Variants in TRIO observed in about 807,000 individuals in gnomAD.
TRIO encodes trio Rho guanine nucleotide exchange factor.
A neutral mutation model predicts 351.9 loss-of-function variants in TRIO; 58 were observed. The ratio of observed to expected loss-of-function variants is 0.16; its 90% confidence interval spans 0.13 to 0.21. The LOEUF is 0.21. Ranked by LOEUF, TRIO falls within the 10% of genes least tolerant of loss-of-function variation. TRIO has a pLI of 1.00. For synonymous variants in TRIO, 1,758 were observed against 1,595.7 expected (o/e 1.10, Z -2.42); for missense variants, 3,201 against 4,027.8 (o/e 0.79, Z 5.56).
chr5:14,481,449 G>A (rs1755507852), intron 44 of TRIO, 92 bp from the exon 45 acceptor site: 1 of 1,523,782 alleles, frequency 6.6e-7, no homozygotes, highest in Admixed American at 1.7e-5. Context: ...GGGTGGGGAG[G>A]AAGAACAGAA....
intron 1 of TRIO, among the ~76,000 whole-genome samples, chr5:14,213,996 AACTG>A (rs1792069351): frequency 6.6e-6 from 1 of 152,234 alleles, no homozygotes; most frequent in Non-Finnish European, 1.5e-5. Context: ...TCTCTGCTTT[AACTG>A]ACTTAGTTAA....
At chr5:14,173,091 T>C (rs929340282) in intron 1 of TRIO, among the ~76,000 whole-genome samples, 6 of 151,860 alleles carry the variant, frequency 4.0e-5, no homozygotes, top group Non-Finnish European at 7.4e-5. Flanking sequence ...ATGGGTAATA[T>C]GAGAAATGTG....
At chr5:14,326,154 C>T (rs2076185987) in intron 9 of TRIO, among the ~76,000 whole-genome samples, 4 of 152,166 alleles carry the variant, frequency 2.6e-5, no homozygotes, top group South Asian at 2.1e-4. Flanking sequence ...GGATAGGGAT[C>T]GCCCTACCCC....
In TRIO at chr5:14,485,625, G is replaced by A. The variant is rs74956413; in HGVS notation, c.6835+379G>A. On this transcript the variant is annotated intron_variant, in intron 47 of 56. Coordinates refer to ENST00000344204, the MANE Select transcript of TRIO (RefSeq NM_007118.4). ...TAGGAAGAGGAGTTTGCGAGAACAC[G>A]AGATGGCATTGGCCAGAGACATTCA... Among the ~76,000 whole-genome samples the A allele has an allele frequency of 4.6e-3, 699 of 152,228 alleles. 10 individuals are homozygous for A. Among genetic ancestry groups the A allele is most frequent in the African/African-American group, 0.016 (673 of 41,530 alleles).
chr5:14,245,171 C>T (rs1189669668), intron 1 of TRIO, among the ~76,000 whole-genome samples: 1 of 152,210 alleles, frequency 6.6e-6, no homozygotes, highest in African/African-American at 2.4e-5. Flanking sequence ...TGAACATCCA[C>T]TCGCCGTTCT....
chr5:14,369,325 C>T (rs1350077085), intron 17 of TRIO, 49 bp from the exon 18 acceptor site: 15 of 1,551,338 alleles, frequency 9.7e-6, no homozygotes, highest in Admixed American at 1.9e-5. Context: ...GGATACCAGT[C>T]GGCAGTGGCA....
At chr5:14,403,605 T>A (rs1392384818) in intron 31 of TRIO, among the ~76,000 whole-genome samples, 9 of 124,666 alleles carry the variant, frequency 7.2e-5, no homozygotes, top group Non-Finnish European at 1.3e-4. Context: ...AGGGTGCAGG[T>A]TGTGAGGGTG....
chr5:14,455,077 G>A (rs1328283562), intron 34 of TRIO, among the ~76,000 whole-genome samples: 1 of 152,204 alleles, frequency 6.6e-6, no homozygotes, highest in Non-Finnish European at 1.5e-5. Context: ...TTCGCGGTGA[G>A]TGTTATAGCT....
rs575695813 is a variant in TRIO, at chr5:14,152,715, C to T, written c.157+8833C>T. Among the ~76,000 whole-genome samples the T allele has an allele frequency of 2.3e-4, 35 of 152,292 alleles. 2 individuals carry two copies. In the South Asian group the frequency reaches 6.8e-3, roughly 30 times the overall value. ...CTTCACCTCCATCTAAATTTTGTTGCACTTACCCTAATATGTCTTGGGTCC... is the reference window on the plus strand; with the variant it reads ...CTTCACCTCCATCTAAATTTTGTTGTACTTACCCTAATATGTCTTGGGTCC... On this transcript the variant is annotated intron_variant, in intron 1 of 56. Transcript: ENST00000344204.
intron 1 of TRIO, among the ~76,000 whole-genome samples, chr5:14,239,898 T>C (rs1314009482): frequency 6.6e-6 from 1 of 152,196 alleles, no homozygotes; most frequent in Non-Finnish European, 1.5e-5. Flanking sequence ...AAGGATGCTT[T>C]TCACGGGAGG....
intron 1 of TRIO, among the ~76,000 whole-genome samples, chr5:14,178,614 A>G (rs1789549537): frequency 6.6e-6 from 1 of 152,226 alleles, no homozygotes; most frequent in Admixed American, 6.5e-5. Context: ...CTGTCAAGCT[A>G]GGATGTGTGA....
chr5:14,328,338 C>T (rs1740589571), intron 9 of TRIO, among the ~76,000 whole-genome samples: 1 of 152,226 alleles, frequency 6.6e-6, no homozygotes, highest in African/African-American at 2.4e-5. Flanking sequence ...AAACAATGCA[C>T]TGAATACGCT....
chr5:14,416,295 G>A (rs1024512930), intron 33 of TRIO, among the ~76,000 whole-genome samples: 10 of 146,296 alleles, frequency 6.8e-5, no homozygotes, highest in African/African-American at 2.5e-4. Flanking sequence ...ACACAGAAAA[G>A]TTTTTTTTTT....
At chr5:14,199,641 A>G (rs898893433) in intron 1 of TRIO, among the ~76,000 whole-genome samples, 1 of 152,194 alleles carries the variant, frequency 6.6e-6, no homozygotes, top group Non-Finnish European at 1.5e-5. Context: ...CCTAATGACC[A>G]TCTCCTTTTT....
chr5:14,336,136 C>T (rs1362511922), intron 10 of TRIO, among the ~76,000 whole-genome samples: 4 of 152,138 alleles, frequency 2.6e-5, no homozygotes, highest in Middle Eastern at 3.2e-3. Context: ...TTGTATCATA[C>T]GGAAAGACAT....
intron 1 of TRIO, among the ~76,000 whole-genome samples, chr5:14,252,502 C>T (rs1254751344): frequency 1.3e-5 from 2 of 152,206 alleles, no homozygotes; most frequent in Non-Finnish European, 2.9e-5. Context: ...ACAGGTCTTA[C>T]CTGGATCCCC....
chr5:14,383,650 A>C (rs1242938218), intron 21 of TRIO, among the ~76,000 whole-genome samples: 1 of 152,068 alleles, frequency 6.6e-6, no homozygotes, highest in African/African-American at 2.4e-5. Context: ...GGGTTTATTG[A>C]ATTGGTTATA....
chr5:14,268,797 T>C (rs1295647682), intron 1 of TRIO, among the ~76,000 whole-genome samples: 3 of 152,232 alleles, frequency 2.0e-5, no homozygotes, highest in African/African-American at 7.2e-5. Context: ...TGAGGGTCGC[T>C]GGGGAGCCTT....
At chr5:14,373,067 GAAAAGCCCC>G (rs1211606978) in intron 18 of TRIO, among the ~76,000 whole-genome samples, 1,905 of 152,278 alleles carry the variant, frequency 0.013, 45 homozygotes, top group African/African-American at 0.043. Flanking sequence ...GTGAGGCAGG[GAAAAGCCCC>G]TCACAAAACC....
Sources: gnomAD v4.1 joint callset for allele counts (sites outside exome capture counted in the v4.1 genomes callset) on GRCh38, gnomAD v4.1.1 for gene constraint, MANE v1.5 for transcripts, NCBI Gene and HGNC (gene_info 2026-07-23, HGNC 2026-07-21) for gene names.